RIT2: variants seen among roughly 807,000 people sequenced by gnomAD.
RIT2 encodes the protein Ras like without CAAX 2.
RIT2 carries 24 observed loss-of-function variants against 23.7 expected under a neutral mutation model. The ratio of observed to expected loss-of-function variants is 1.01; its 90% confidence interval spans 0.73 to 1.43. RIT2 has a LOEUF of 1.43. RIT2 is among the 40% of genes most tolerant of loss of function. The pLI is 0.00. For missense variants in RIT2, 236 were observed against 266.9 expected (o/e 0.88, Z 0.81); for synonymous variants, 107 against 91.1 (o/e 1.17, Z -0.99).
intron 4 of RIT2, among the ~76,000 whole-genome samples, chr18:42,903,521 CTT>C (rs1029192769): frequency 3.3e-5 from 5 of 151,956 alleles, no homozygotes; most frequent in African/African-American, 7.2e-5. Flanking sequence ...AAAAATAAAA[CTT>C]GACACAATTT....
At chr18:42,745,605 AT>A (rs959308178) in intron 4 of RIT2, among the ~76,000 whole-genome samples, 5 of 152,048 alleles carry the variant, frequency 3.3e-5, no homozygotes, top group African/African-American at 4.8e-5. Flanking sequence ...AAACATGCCA[AT>A]TTTTTTTAGC....
At chr18:42,888,375 A>G (rs1245175787) in intron 4 of RIT2, among the ~76,000 whole-genome samples, 1 of 151,846 alleles carries the variant, frequency 6.6e-6, no homozygotes, top group African/African-American at 2.4e-5. Flanking sequence ...GTTTCTTCCC[A>G]CTAATGGTAA....
At chr18:42,755,294 C>T (rs1454779992) in intron 4 of RIT2, among the ~76,000 whole-genome samples, 2 of 152,282 alleles carry the variant, frequency 1.3e-5, no homozygotes, top group East Asian at 1.9e-4. Context: ...ATTCATACCA[C>T]TCTCCCTCAT....
intron 3 of RIT2, among the ~76,000 whole-genome samples, chr18:42,945,128 T>C (rs988999389): frequency 3.3e-5 from 5 of 152,098 alleles, no homozygotes; most frequent in Non-Finnish European, 7.4e-5. Context: ...TTAATTACAT[T>C]AATTTCTATC....
intron 1 of RIT2, among the ~76,000 whole-genome samples, chr18:43,104,131 G>A (rs1354957029): frequency 6.6e-6 from 1 of 152,318 alleles, no homozygotes; most frequent in East Asian, 1.9e-4. Flanking sequence ...CCTGTCATTT[G>A]CCACAACATG....
intron 2 of RIT2, among the ~76,000 whole-genome samples, chr18:43,001,340 A>C (rs1012022033): frequency 2.6e-5 from 4 of 152,054 alleles, no homozygotes; most frequent in Non-Finnish European, 4.4e-5. Flanking sequence ...GACATAAAAC[A>C]AGACAAAAAT....
chr18:43,106,465 C>T (rs1221173424), intron 1 of RIT2, among the ~76,000 whole-genome samples: 1 of 152,182 alleles, frequency 6.6e-6, no homozygotes, highest in African/African-American at 2.4e-5. Flanking sequence ...ACTTCTCTAA[C>T]TATAATTGTT....
At chr18:43,061,097 T>C (rs1912634061) in intron 1 of RIT2, among the ~76,000 whole-genome samples, 1 of 152,130 alleles carries the variant, frequency 6.6e-6, no homozygotes, top group Non-Finnish European at 1.5e-5. Context: ...AGGTAAGTAG[T>C]ACAGTGTAAT....
At chr18:42,972,469 T>C (rs139181598) in intron 3 of RIT2, among the ~76,000 whole-genome samples, 568 of 152,004 alleles carry the variant, frequency 3.7e-3, no homozygotes, top group Admixed American at 6.1e-3. Context: ...GAAAATACAA[T>C]GTTTTAAAAT....
chr18:43,037,986 C>T (rs1355991537), intron 1 of RIT2, among the ~76,000 whole-genome samples: 1 of 151,884 alleles, frequency 6.6e-6, no homozygotes, highest in East Asian at 1.9e-4. Flanking sequence ...GGGCGGATCA[C>T]GAGGTCAGGA....
intron 3 of RIT2, among the ~76,000 whole-genome samples, chr18:42,928,145 T>C (rs1400469917): frequency 6.6e-6 from 1 of 151,952 alleles, no homozygotes. Context: ...TTTGTTCTCC[T>C]TATGGAAAAA....
chr18:42,875,753 C>T (rs922947886), intron 4 of RIT2, among the ~76,000 whole-genome samples: 2 of 152,054 alleles, frequency 1.3e-5, no homozygotes, highest in South Asian at 4.1e-4. Flanking sequence ...CCCATCTCCA[C>T]CCAAATCTTT....
chr18:42,760,176 C>G (rs1488503622), intron 4 of RIT2, among the ~76,000 whole-genome samples: 1 of 152,198 alleles, frequency 6.6e-6, no homozygotes, highest in Non-Finnish European at 1.5e-5. Context: ...TATGTAGATG[C>G]AAGTGACTGC....
intron 3 of RIT2, among the ~76,000 whole-genome samples, chr18:42,926,126 A>T (rs958039398): frequency 3.3e-5 from 5 of 151,828 alleles, no homozygotes; most frequent in African/African-American, 4.8e-5. Flanking sequence ...GACCAAAAAG[A>T]ACATACATTT....
intron 2 of RIT2, among the ~76,000 whole-genome samples, chr18:42,984,852 C>G (rs1232233842): frequency 6.6e-6 from 1 of 151,880 alleles, no homozygotes; most frequent in Non-Finnish European, 1.5e-5. Flanking sequence ...TAAAATTATT[C>G]CCTCTGAGAG....
chr18:42,931,564 T>C (rs1909325831), intron 3 of RIT2, among the ~76,000 whole-genome samples: 1 of 152,308 alleles, frequency 6.6e-6, no homozygotes, highest in Admixed American at 6.5e-5. Flanking sequence ...GCCTTCCTCT[T>C]TCTATTTGAC....
In RIT2 at chr18:42,941,535, T is replaced by C. The variant is rs566717968; in HGVS notation, c.235-17772A>G. ...AATAAATTCCTTAAAACAATGCAAA[T>C]AAATCCAGAATAATGCATGTAAACA... On this transcript the variant is annotated intron_variant, in intron 3 of 4. Transcript: ENST00000326695. 1.2e-3 allele frequency among the ~76,000 whole-genome samples: 187 copies of C among 152,216 alleles called. 1 individual carries two copies. The highest frequency in any genetic ancestry group is 2.1e-3 in the Non-Finnish European group (141 of 68,010).
At position 42,775,737 on chromosome 18, in the gene RIT2, C is replaced by T. The variant is rs185407816; in HGVS notation, c.427-32017G>A. ...AATAAATAAATAAATAAATGCCATA[C>T]CCTCTTAAGAGTAAACAGTGACGTC... On this transcript the variant is annotated intron_variant, in intron 4 of 4. Transcript: ENST00000326695. 4.8e-3 allele frequency among the ~76,000 whole-genome samples: 731 copies of T among 151,792 alleles called. 4 individuals are homozygous for T. The highest frequency in any genetic ancestry group is 0.017 in the African/African-American group (693 of 41,388).
chr18:43,006,408 T>A (rs1259249648), intron 2 of RIT2, among the ~76,000 whole-genome samples: 5 of 151,624 alleles, frequency 3.3e-5, no homozygotes, highest in African/African-American at 1.2e-4. Flanking sequence ...TACAGGACAG[T>A]TCACCAAACA....
Sources: gnomAD v4.1 joint callset for allele counts (sites outside exome capture counted in the v4.1 genomes callset) on GRCh38, gnomAD v4.1.1 for gene constraint, MANE v1.5 for transcripts, NCBI Gene and HGNC (gene_info 2026-07-23, HGNC 2026-07-21) for gene names.